Variants in BIRC6 observed in about 807,000 individuals in gnomAD.
BIRC6 encodes baculoviral IAP repeat containing 6.
BIRC6 carries 98 observed loss-of-function variants against 503.3 expected under a neutral mutation model. The observed-to-expected ratio is 0.19, with a 90% CI of 0.17 to 0.23. The LOEUF (loss-of-function observed/expected upper bound fraction) is 0.23, where lower values mean the gene tolerates loss of function less well. Ranked by LOEUF, BIRC6 falls within the 10% of genes least tolerant of loss-of-function variation. BIRC6 has a pLI of 1.00. For synonymous variants in BIRC6, 2,240 were observed against 2,078.7 expected, an observed-to-expected ratio of 1.08 and a Z score of -2.11; for missense variants, 5,360 against 5,806.0, an observed-to-expected ratio of 0.92 and a Z score of 2.50.
intron 13 of BIRC6, 30 bp from the exon 14 acceptor site, chr2:32,435,466 A>G (rs1189804834): frequency 6.5e-7 from 1 of 1,540,992 alleles, no homozygotes; most frequent in South Asian, 1.2e-5. Flanking sequence ...ACAGCAGTAG[A>G]TAGGCAGATC....
At chr2:32,516,240 G>A (rs1448079752) in intron 55 of BIRC6, among the ~76,000 whole-genome samples, 1 of 152,194 alleles carries the variant, frequency 6.6e-6, no homozygotes, top group African/African-American at 2.4e-5. Flanking sequence ...TAGGCTGGTT[G>A]TGGTGGCTCA....
chr2:32,524,559 A>C (rs565099769), intron 57 of BIRC6, among the ~76,000 whole-genome samples: 3 of 152,342 alleles, frequency 2.0e-5, no homozygotes, highest in Non-Finnish European at 2.9e-5. Context: ...GTTGCCAAGC[A>C]CATTGAACTA....
chr2:32,406,655 A>C, intron 9 of BIRC6, 98 bp downstream of exon 9: 1 of 821,600 alleles, frequency 1.2e-6, no homozygotes, highest in Non-Finnish European at 1.9e-6. Flanking sequence ...AGTTAATGCT[A>C]ACTCTAAATT....
chr2:32,374,422 C>T (rs1200710833), intron 1 of BIRC6, among the ~76,000 whole-genome samples: 3 of 151,862 alleles, frequency 2.0e-5, no homozygotes, highest in African/African-American at 2.4e-5. Flanking sequence ...CCTCAGTGTC[C>T]GAGTAGCTAG....
chr2:32,614,179 A>C (rs2063082638), intron 73 of BIRC6, among the ~76,000 whole-genome samples: 1 of 152,178 alleles, frequency 6.6e-6, no homozygotes, highest in Admixed American at 6.5e-5. Context: ...ACCCCTGGTC[A>C]GTACTAGGTC....
At chr2:32,376,916 C>T (rs2036874313) in intron 1 of BIRC6, among the ~76,000 whole-genome samples, 2 of 152,098 alleles carry the variant, frequency 1.3e-5, no homozygotes, top group African/African-American at 4.8e-5. Context: ...ACCATACTTA[C>T]CTGTTTTTGG....
At chr2:32,614,627 A>G (rs1473506899) in intron 73 of BIRC6, among the ~76,000 whole-genome samples, 1 of 152,222 alleles carries the variant, frequency 6.6e-6, no homozygotes, top group East Asian at 1.9e-4. Context: ...CAGGAGTTCA[A>G]GACCAGCCTG....
Position 32,545,499 on chromosome 2 carries a change from T to C in BIRC6, c.12593-144T>C, listed in dbSNP as rs189796946. On this transcript the variant is annotated intron_variant, in intron 62 of 73. Coordinates refer to ENST00000421745, the MANE Select transcript of BIRC6 (RefSeq NM_016252.4). Reference sequence around the variant, plus strand: ...TTATTAAATTTTAAGATATTACTGTTGTATTTGTGGTATTTGGTTTTCTAA... The same window carrying C: ...TTATTAAATTTTAAGATATTACTGTCGTATTTGTGGTATTTGGTTTTCTAA... 104 of 686,104 alleles carry C rather than the reference T, an allele frequency of 1.5e-4. 1 individual carries two copies. The African/African-American group carries it at 1.8e-3, about 12-fold the overall frequency. 42.5% of individuals were successfully genotyped at this position (686,104 alleles called of 1,614,324 possible). A position where few individuals can be genotyped will look rare whatever the true frequency, so the allele number is the denominator to read the frequency against.
At position 32,467,878 on chromosome 2, in the gene BIRC6, GTATATT is replaced by G; in HGVS notation, c.5572-20_5572-15del. 6.4e-7 allele frequency: 1 copy of G among 1,560,436 alleles called. No individual in the cohort carries two copies. Among genetic ancestry groups the G allele is most frequent in the South Asian group, 1.2e-5 (1 of 86,734 alleles). ...TTTATTGTGGCAGATGTGTATATAT[GTATATT>G]TATAATTTTTCATTTCAGATCACTG... On this transcript the variant is annotated intron_variant, in intron 27 of 73. Coordinates refer to ENST00000421745, the MANE Select transcript of BIRC6 (RefSeq NM_016252.4).
chr2:32,377,211 A>ATG (rs1288542523), intron 1 of BIRC6, among the ~76,000 whole-genome samples: 22 of 138,326 alleles, frequency 1.6e-4, no homozygotes, highest in African/African-American at 1.7e-4. Flanking sequence ...CCCTTAATAT[A>ATG]TATGTGTGTG....
chr2:32,436,304 A>C (rs1261860868), intron 15 of BIRC6, 120 bp downstream of exon 15: 14 of 927,854 alleles, frequency 1.5e-5, no homozygotes, highest in Non-Finnish European at 1.9e-5. Flanking sequence ...TCGAAATTTC[A>C]TCAGTTTTCT....
At chr2:32,569,037 G>C (rs1304140154) in intron 65 of BIRC6, among the ~76,000 whole-genome samples, 1 of 147,130 alleles carries the variant, frequency 6.8e-6, no homozygotes, top group Non-Finnish European at 1.5e-5. Flanking sequence ...AGGCTGGAGT[G>C]CAAGTGCAGT....
At chr2:32,609,704 C>T (rs978939256) in intron 72 of BIRC6, among the ~76,000 whole-genome samples, 4 of 149,004 alleles carry the variant, frequency 2.7e-5, no homozygotes, top group Non-Finnish European at 5.9e-5. Flanking sequence ...TTGCAAAGAT[C>T]GCGCCACGGC....
intron 9 of BIRC6, 60 bp downstream of exon 9, chr2:32,406,617 C>T: frequency 9.0e-7 from 1 of 1,110,038 alleles, no homozygotes; most frequent in Non-Finnish European, 1.3e-6. Context: ...GTGCATACAG[C>T]TAACTACCAC....
rs866042321 is a variant in BIRC6 at position 32,518,904 on chromosome 2, C to T, written c.11581C>T (p.Pro3861Ser). 6.2e-7 allele frequency: 1 copy of T among 1,613,746 alleles called. No individual in the cohort carries two copies. The highest frequency in any genetic ancestry group is 1.1e-5 in the South Asian group (1 of 91,074). Residue 3861 changes from proline (P) to serine (S), a missense_variant, in exon 57 of 74, where the codon CCA becomes TCA. By Grantham distance (74) the Pro-to-Ser change is moderately conservative (BLOSUM62 -1). This residue lies in a region of BIRC6 where 878 missense variants were observed against 928.9 expected (regional missense o/e 0.95). Coordinates refer to ENST00000421745, the MANE Select transcript of BIRC6 (RefSeq NM_016252.4). ...CCACAAATTCCGTACTCTTCATTTG[C>T]CAGTCTCAACAACATTATCAGATGT... ...AGHKFRTLHL[P>S]VSTTLSDVLD...
At chr2:32,361,548 C>G (rs1239576140) in intron 1 of BIRC6, among the ~76,000 whole-genome samples, 1 of 152,146 alleles carries the variant, frequency 6.6e-6, no homozygotes, top group Non-Finnish European at 1.5e-5. Context: ...GCATAGTTTA[C>G]ATTAGGATTT....
intron 54 of BIRC6, among the ~76,000 whole-genome samples, chr2:32,513,651 C>T (rs2054679498): frequency 6.6e-6 from 1 of 152,208 alleles, no homozygotes; most frequent in African/African-American, 2.4e-5. Flanking sequence ...TGGCTCATGC[C>T]TGTAATCCCA....
At chr2:32,414,561 G>T (rs2042222997) in intron 9 of BIRC6, among the ~76,000 whole-genome samples, 1 of 152,060 alleles carries the variant, frequency 6.6e-6, no homozygotes, top group East Asian at 1.9e-4. Context: ...CAGCTACTTG[G>T]GAGGCTGAGG....
intron 22 of BIRC6, among the ~76,000 whole-genome samples, chr2:32,452,297 A>C (rs2046810696): frequency 6.6e-6 from 1 of 152,086 alleles, no homozygotes; most frequent in African/African-American, 2.4e-5. Context: ...CACTTTTTTC[A>C]TTAAATTATT....
Sources: gnomAD v4.1 joint callset for allele counts (sites outside exome capture counted in the v4.1 genomes callset) on GRCh38, gnomAD v4.1.1 for gene constraint, gnomAD v4.1.1 regional missense constraint, MANE v1.5 for transcripts, NCBI Gene and HGNC (gene_info 2026-07-23, HGNC 2026-07-21) for gene names.